COL6A3: variants seen among roughly 807,000 people sequenced by gnomAD.
COL6A3 encodes collagen type VI alpha 3 chain, also known as collagen alpha-3(VI) chain.
In COL6A3, 137 loss-of-function variants were observed where a neutral mutation model predicts 274.1. That is an observed-to-expected ratio of 0.50 (90% CI 0.44 to 0.58). The LOEUF (loss-of-function observed/expected upper bound fraction) is 0.58. Among genes scored for constraint, COL6A3 ranks in the 20% least tolerant of loss-of-function variants. The pLI, the probability that COL6A3 is intolerant of heterozygous loss-of-function variation, is 0.00. For synonymous variants in COL6A3, 1,650 were observed against 1,650.6 expected (o/e 1.00, Z 0.01); for missense variants, 3,950 against 4,124.9 (o/e 0.96, Z 1.16).
chr2:237,363,187 C>A, intron 14 of COL6A3, 66 bp downstream of exon 14: 3 of 1,475,076 alleles, frequency 2.0e-6, no homozygotes, highest in Non-Finnish European at 2.8e-6. Flanking sequence ...TAACTTCATT[C>A]TCTTGAAATG....
intron 4 of COL6A3, among the ~76,000 whole-genome samples, chr2:237,384,282 T>C (rs949420763): frequency 1.7e-4 from 26 of 152,120 alleles, no homozygotes; most frequent in Admixed American, 1.3e-3. Flanking sequence ...CCACTTGACA[T>C]AAATATCAAC....
intron 36 of COL6A3, chr2:237,342,405 C>T (rs2077006173): frequency 1.9e-6 from 1 of 540,322 alleles, no homozygotes; most frequent in African/African-American, 1.9e-5. Flanking sequence ...CAGTTTTTTT[C>T]AGCTGTAAAA....
chr2:237,348,320 T>C (rs1383918243), intron 30 of COL6A3, 29 bp downstream of exon 30: 8 of 1,593,748 alleles, frequency 5.0e-6, no homozygotes, highest in Non-Finnish European at 6.0e-6. Flanking sequence ...AAAATCATGA[T>C]GATGCTTCAC....
Position 237,340,501 on chromosome 2 carries a change from G to A in COL6A3, c.8415C>T (p.Asn2805=), listed in dbSNP as rs375442243. 7.5e-5 allele frequency: 121 copies of A among 1,613,976 alleles called. No individual in the cohort carries two copies. Among genetic ancestry groups the A allele is most frequent in the Admixed American group, 1.7e-4 (10 of 60,012 alleles). The change falls in exon 38 of 44, where the codon AAC becomes AAT. Residue 2805 remains asparagine, a synonymous_variant. Transcript: ENST00000295550. The part of the protein sequence containing the change: ...FKLVDKSTEL[N]EEPLMRFGRL... ...TCCCGAAGCGCATCAAAGGCTCCTC[G>A]TTGAGCTCGGTGGACTTGTCCACTA...
In COL6A3 at chr2:237,369,140, G is replaced by T; in HGVS notation, c.4323C>A (p.Ile1441=). Reference sequence around the variant, plus strand: ...CTGGCCTAACTCCCTCAGAGCTGTCGATCAGAAAGACAATGTCTGCAGCAT... The same window carrying T: ...CTGGCCTAACTCCCTCAGAGCTGTCTATCAGAAAGACAATGTCTGCAGCAT... ...ESDAADIVFL[I]DSSEGVRPDG... is the part of the protein sequence containing the mutation. Residue 1441 remains isoleucine, a synonymous_variant, in exon 10 of 44, where the codon ATC becomes ATA. Coordinates refer to ENST00000295550, the MANE Select transcript of COL6A3 (RefSeq NM_004369.4). 1 of 1,613,516 alleles carries T rather than the reference G, an allele frequency of 6.2e-7. No individual in the cohort carries two copies. The highest frequency in any genetic ancestry group is 8.5e-7 in the Non-Finnish European group (1 of 1,180,040).
In COL6A3 at chr2:237,364,320, T is replaced by G. The variant is rs752370812; in HGVS notation, c.5917+30A>C. On this transcript the variant is annotated intron_variant, in intron 13 of 43. Transcript: ENST00000295550. This position sits in a 1 kb window ranked among gnomAD's most constrained non-coding sequence, Gnocchi z 4.6. ...TACACCCCGCCTCACCAGGGTTTAC[T>G]TCTCATATTTAGAAAGCCTTGGCAC... 7 of 1,580,260 alleles carry G rather than the reference T, an allele frequency of 4.4e-6. No homozygotes were observed. The highest frequency in any genetic ancestry group is 6.1e-6 in the Non-Finnish European group (7 of 1,149,936).
rs1411339793 is a variant in COL6A3 at position 237,374,518 on chromosome 2, A to G, written c.3573T>C (p.Phe1191=). ...IPDFAVAIPT[F]RQLGTVQQVI... Reference sequence around the variant, plus strand: ...CCTGTTGGACGGTCCCCAGCTGGCGAAAGGTGGGAATGGCCACGGCAAAGT... The same window carrying G: ...CCTGTTGGACGGTCCCCAGCTGGCGGAAGGTGGGAATGGCCACGGCAAAGT... Residue 1191 remains phenylalanine (F), a synonymous_variant, in exon 8 of 44, where the codon TTT becomes TTC. Coordinates refer to ENST00000295550, the MANE Select transcript of COL6A3 (RefSeq NM_004369.4). This position sits in a 1 kb window ranked among gnomAD's most constrained non-coding sequence, Gnocchi z 4.8. 3 of 1,614,170 alleles carry G rather than the reference A, an allele frequency of 1.9e-6. No individual in the cohort carries two copies. Among genetic ancestry groups the G allele is most frequent in the Middle Eastern group, 1.6e-4 (1 of 6,062 alleles).
rs774552901 is a variant in COL6A3 at position 237,346,505 on chromosome 2, C to T, written c.7090G>A (p.Ala2364Thr). Residue 2364 changes from alanine (A) to threonine (T), a missense_variant and splice_region_variant, in exon 32 of 44, where the codon GCT (alanine) becomes ACT (threonine). By Grantham distance (58) the Ala-to-Thr change is moderately conservative (BLOSUM62 0). This residue lies in a region of COL6A3 where 1,284 missense variants were observed against 1,349.7 expected (regional missense o/e 0.95). Transcript: ENST00000295550. ...QKGDPGYPGP[A>T]GPKGNRGDSI... ...GTCAGAACTGGATAAATACTTACAG[C>T]TGGTCCTGGGTAGCCAGGGTCTCCC... The T allele has an allele frequency of 4.3e-6, 7 of 1,613,806 alleles. No homozygotes were observed. The East Asian group carries it at 1.3e-4, about 31-fold the overall frequency.
Position 237,344,085 on chromosome 2 carries a change from C to A in COL6A3, c.7668+265G>T. ...GTTAGTAGATAGAGAGTGTCACCAA[C>A]ACTAGCATCACTAACCGGCAAGAGC... On this transcript the variant is annotated intron_variant, in intron 36 of 43. Coordinates refer to ENST00000295550, the MANE Select transcript of COL6A3 (RefSeq NM_004369.4). The surrounding 1 kb of genome is among the most constrained non-coding windows in gnomAD (Gnocchi z 4.8). 2 of 555,810 alleles carry A rather than the reference C, an allele frequency of 3.6e-6. No individual in the cohort carries two copies. Among genetic ancestry groups the A allele is most frequent in the Non-Finnish European group, 6.5e-6 (2 of 308,634 alleles). The allele number at this position is 555,810 out of a possible 1,614,324, so 34.4% of individuals were successfully genotyped here.
In COL6A3 at chr2:237,360,155, T is replaced by C; in HGVS notation, c.6215A>G (p.Glu2072Gly). 5 of 1,614,144 alleles carry C rather than the reference T, an allele frequency of 3.1e-6. No individual in the cohort carries two copies. Among genetic ancestry groups the C allele is most frequent in the Non-Finnish European group, 4.2e-6 (5 of 1,180,038 alleles). Residue 2072 changes from glutamate to glycine, a missense_variant, in exon 17 of 44, where the codon GAG becomes GGG. Glu to Gly is a moderately conservative substitution (Grantham distance 98). Around this residue, in one of 5 missense-constraint regions of COL6A3, gnomAD observed 92 missense variants for 143.4 expected, o/e 0.64. Transcript: ENST00000295550. ...GYPGDEGGPG[E>G]RGPPGVNGTQ... ...GCCGTTCACACCAGGCGGACCACGC[T>C]CACCCTGTTGTGAGAGACAAAGGCA...
chr2:237,354,818 A>G (rs2077281986), intron 24 of COL6A3, 81 bp downstream of exon 24: 1 of 1,210,480 alleles, frequency 8.3e-7, no homozygotes, highest in South Asian at 1.4e-5. Context: ...GGTTCACAGG[A>G]GAGAGTGTTT....
chr2:237,333,280 A>T (rs1700358438), intron 42 of COL6A3, 170 bp downstream of exon 42: 1 of 686,302 alleles, frequency 1.5e-6, no homozygotes, highest in African/African-American at 1.8e-5. Context: ...CTCCATTTAC[A>T]CCTGGGATTA....
In COL6A3 at chr2:237,387,927, C is replaced by T. The variant is rs772929334; in HGVS notation, c.967G>A (p.Gly323Ser). 20 of 1,614,150 alleles carry T rather than the reference C, an allele frequency of 1.2e-5. No homozygotes were observed. The highest frequency in any genetic ancestry group is 1.6e-4 in the Middle Eastern group (1 of 6,062). Residue 323 changes from glycine (G) to serine (S), a missense_variant, in exon 4 of 44, where the codon GGC (glycine) becomes AGC (serine). This residue lies in a region of COL6A3 where 1,934 missense variants were observed against 1,984.3 expected (regional missense o/e 0.97). Transcript: ENST00000295550. ...GFAGGELANI[G>S]LALDFVVENH... ...TCCACCACGAAATCAAGGGCGAGGC[C>T]GATATTGGCCAACTCCCCACCAGCA... is the stretch of plus-strand genomic sequence containing the variant.
chr2:237,375,014 C>T lies in COL6A3; in HGVS notation c.3077G>A (p.Gly1026Asp). 5 of 1,613,712 alleles carry T rather than the reference C, an allele frequency of 3.1e-6. No homozygotes were observed. The highest frequency in any genetic ancestry group is 4.2e-6 in the Non-Finnish European group (5 of 1,180,030). The change falls in exon 8 of 44, where the codon GGT becomes GAT. Residue 1026 changes from glycine (G) to aspartate (D), a missense_variant. Physicochemically the swap from Gly to Asp is moderately conservative, Grantham distance 94 (BLOSUM62 -1). Coordinates refer to ENST00000295550, the MANE Select transcript of COL6A3 (RefSeq NM_004369.4). ...VHNGAPAPVS[G>D]EKDVVFLLDG... ...AAGCAGAAACACCACGTCCTTTTCA[C>T]CTGAAACTGGGAGGAGGACAGCCTG...
At position 237,364,487 on chromosome 2, in the gene COL6A3, T is replaced by C. The variant is rs2077505215; in HGVS notation, c.5839-59A>G. ...ACTAAAAAGGAGTGTTGCAGACTGC[T>C]GATAGAAAACTGAGAGACTCGCTGT... On this transcript the variant is annotated intron_variant, in intron 12 of 43. Coordinates refer to ENST00000295550, the MANE Select transcript of COL6A3 (RefSeq NM_004369.4). The surrounding 1 kb of genome is among the most constrained non-coding windows in gnomAD (Gnocchi z 4.6). The C allele has an allele frequency of 7.4e-7, 1 of 1,344,288 alleles. No individual in the cohort carries two copies. The highest frequency in any genetic ancestry group is 1.1e-6 in the Non-Finnish European group (1 of 936,600). The allele number at this position is 1,344,288 out of a possible 1,614,324, so 83.3% of individuals were successfully genotyped here.
At chr2:237,409,053 T>C (rs930368353) in intron 1 of COL6A3, among the ~76,000 whole-genome samples, 1 of 152,168 alleles carries the variant, frequency 6.6e-6, no homozygotes, top group East Asian at 1.9e-4. Context: ...CCAAGATGTC[T>C]GCATATTGGA....
chr2:237,328,160 TAA>T (rs1700046859), intron 42 of COL6A3: 1 of 152,300 alleles, frequency 6.6e-6, no homozygotes. Flanking sequence ...CCAATGTAAC[TAA>T]GTTTGCTTGG....
Position 237,376,831 on chromosome 2 carries a change from T to A in COL6A3, c.3011A>T (p.Asp1004Val), listed in dbSNP as rs1194314017. The change falls in exon 7 of 44, where the codon GAT (aspartate) becomes GTT (valine). Residue 1004 changes from aspartate (D) to valine (V), a missense_variant. Transcript: ENST00000295550. ...LAAESLPKIG[D>V]LHPQIVNLLK... is the part of the protein sequence containing the mutation. ...GAGATTCACTATCTGTGGATGAAGA[T>A]CTCCAATCTTGGGAAGCGACTCTGC... 6.2e-7 allele frequency: 1 copy of A among 1,614,182 alleles called. No individual in the cohort carries two copies. Among genetic ancestry groups the A allele is most frequent in the Non-Finnish European group, 8.5e-7 (1 of 1,180,032 alleles).
chr2:237,410,553 C>A (rs1468760057), intron 1 of COL6A3, among the ~76,000 whole-genome samples: 1 of 152,144 alleles, frequency 6.6e-6, no homozygotes, highest in African/African-American at 2.4e-5. Context: ...GATCCGCCCA[C>A]CTCAGCCTCC....
Sources: allele counts gnomAD v4.1 joint callset (sites outside exome capture counted in the v4.1 genomes callset), GRCh38; gene constraint gnomAD v4.1.1; regional missense constraint gnomAD v4.1.1; non-coding constraint Gnocchi (gnomAD v3.1); transcripts MANE v1.5; gene names NCBI Gene and HGNC (gene_info 2026-07-23, HGNC 2026-07-21).